CTNNA3: variants seen among roughly 807,000 people sequenced by gnomAD.
The protein encoded by CTNNA3 is catenin alpha 3.
CTNNA3 carries 76 observed loss-of-function variants against 95.7 expected under a neutral mutation model. That is an observed-to-expected ratio of 0.79 (90% confidence interval 0.66 to 0.96). CTNNA3 has a LOEUF of 0.96. Ranked by LOEUF, CTNNA3 falls within the 40% of genes least tolerant of loss-of-function variation. The probability of loss-of-function intolerance (pLI) is 0.00; values close to 1 mark genes in which losing one functional copy is unlikely to be tolerated. For synonymous variants in CTNNA3, 431 were observed against 374.4 expected, an observed-to-expected ratio of 1.15 and a Z score of -1.74; for missense variants, 1,191 against 1,089.8, an observed-to-expected ratio of 1.09 and a Z score of -1.31.
At chr10:67,488,003 ACTGT>A (rs1414360444) in intron 5 of CTNNA3, among the ~76,000 whole-genome samples, 6 of 152,244 alleles carry the variant, frequency 3.9e-5, no homozygotes, top group Non-Finnish European at 7.3e-5. Context: ...TCCCGCTCAC[ACTGT>A]CTAACAATTT....
chr10:67,126,494 C>T (rs902854124), intron 7 of CTNNA3, among the ~76,000 whole-genome samples: 17 of 152,206 alleles, frequency 1.1e-4, no homozygotes, highest in East Asian at 5.8e-4. Context: ...TGGCTTGCAG[C>T]GAGCCAAGAT....
chr10:67,377,133 CA>C (rs1396665169), intron 5 of CTNNA3, among the ~76,000 whole-genome samples: 2 of 152,154 alleles, frequency 1.3e-5, no homozygotes, highest in East Asian at 3.8e-4. Context: ...CTGTTTGGTA[CA>C]GTAACAATGT....
At position 66,676,295 on chromosome 10, in the gene CTNNA3, A is replaced by C. The variant is rs187553508; in HGVS notation, c.1282-54511T>G. On this transcript the variant is annotated intron_variant, in intron 9 of 17. Coordinates refer to ENST00000433211, the MANE Select transcript of CTNNA3 (RefSeq NM_013266.4). ...CTTTATGCAGTGAAGGAAGCTGTAC[A>C]GACTCCTCCTGAGCGTCTGTGAGGT... Among the ~76,000 whole-genome samples the C allele has an allele frequency of 3.3e-5, 5 of 152,234 alleles. No individual in the cohort carries two copies. The East Asian group carries it at 9.7e-4, about 29-fold the overall frequency.
intron 7 of CTNNA3, among the ~76,000 whole-genome samples, chr10:66,791,700 C>A (rs575962699): frequency 2.0e-5 from 3 of 152,198 alleles, no homozygotes; most frequent in Non-Finnish European, 4.4e-5. Flanking sequence ...ATATGCCAGA[C>A]ACTCAGAAGC....
At chr10:66,953,955 G>A (rs1848666797) in intron 7 of CTNNA3, among the ~76,000 whole-genome samples, 1 of 152,066 alleles carries the variant, frequency 6.6e-6, no homozygotes, top group African/African-American at 2.4e-5. Flanking sequence ...TCAAAAGGTT[G>A]TTAAGACTAT....
At chr10:66,125,127 G>A (rs2082761123) in intron 13 of CTNNA3, among the ~76,000 whole-genome samples, 2 of 152,154 alleles carry the variant, frequency 1.3e-5, no homozygotes, top group Admixed American at 1.3e-4. Context: ...GTTCTTCAGT[G>A]AGAAGGGAAA....
intron 7 of CTNNA3, among the ~76,000 whole-genome samples, chr10:66,858,871 C>T (rs766722601): frequency 1.3e-5 from 2 of 151,786 alleles, no homozygotes; most frequent in Admixed American, 6.6e-5. Context: ...GTTTTTCACG[C>T]CTCAATTTCT....
chr10:67,613,828 T>G (rs1398808400), intron 2 of CTNNA3, among the ~76,000 whole-genome samples: 1 of 152,198 alleles, frequency 6.6e-6, no homozygotes, highest in Non-Finnish European at 1.5e-5. Flanking sequence ...ACCCATTTTA[T>G]GGAAGACAAC....
rs137910578 is a variant in CTNNA3 at position 66,280,554 on chromosome 10, C to T, written c.1800G>A (p.Val600=). 48 of 1,609,550 alleles carry T rather than the reference C, an allele frequency of 3.0e-5. 1 individual carries two copies. The Middle Eastern group carries it at 1.0e-3, about 33-fold the overall frequency. The part of the protein sequence containing the change: ...LEALSKSSLN[V]LDDNQFVDIS... The stretch of plus-strand genomic sequence containing the variant: ...TGTCCACAAATTGATTATCATCCAA[C>T]ACATTCAATGAGCTTTTGCTTAAGG... Residue 600 remains valine, a synonymous_variant, in exon 13 of 18, where the codon GTG becomes GTA. Coordinates refer to ENST00000433211, the MANE Select transcript of CTNNA3 (RefSeq NM_013266.4).
At chr10:65,948,294 A>AG (rs1293300402) in intron 17 of CTNNA3, among the ~76,000 whole-genome samples, 1 of 150,152 alleles carries the variant, frequency 6.7e-6, no homozygotes, top group Non-Finnish European at 1.5e-5. Context: ...AAAAAAAAAA[A>AG]AAAAAGAAAG....
intron 7 of CTNNA3, among the ~76,000 whole-genome samples, chr10:66,814,640 C>T (rs1462504431): frequency 6.6e-6 from 1 of 151,896 alleles, no homozygotes; most frequent in Non-Finnish European, 1.5e-5. Flanking sequence ...CACGTGCACC[C>T]GTACTCCCAG....
chr10:67,383,058 A>G (rs1201344295), intron 5 of CTNNA3, among the ~76,000 whole-genome samples: 1 of 152,202 alleles, frequency 6.6e-6, no homozygotes, highest in Non-Finnish European at 1.5e-5. Flanking sequence ...TAAGTTGTTA[A>G]TGCAGTGTTT....
chr10:66,736,250 A>G (rs1277759595), intron 9 of CTNNA3, among the ~76,000 whole-genome samples: 3 of 151,408 alleles, frequency 2.0e-5, no homozygotes, highest in Non-Finnish European at 4.4e-5. Context: ...CAGTGGTGCC[A>G]TCTTGACTCA....
intron 11 of CTNNA3, among the ~76,000 whole-genome samples, chr10:66,452,644 G>A (rs538657164): frequency 6.6e-6 from 1 of 152,218 alleles, no homozygotes; most frequent in East Asian, 1.9e-4. Context: ...CAGAAATCAT[G>A]CAGCCAGAGG....
chr10:67,233,729 T>G (rs1865328540), intron 5 of CTNNA3, among the ~76,000 whole-genome samples: 1 of 150,330 alleles, frequency 6.7e-6, no homozygotes, highest in African/African-American at 2.4e-5. Flanking sequence ...AGGAGCTGGT[T>G]TTTTGAAAGG....
At chr10:67,202,927 C>A (rs1216674764) in intron 6 of CTNNA3, among the ~76,000 whole-genome samples, 2 of 152,092 alleles carry the variant, frequency 1.3e-5, no homozygotes, top group African/African-American at 4.8e-5. Flanking sequence ...AACCAACATT[C>A]TTTAAGGAAT....
At chr10:66,026,066 TAA>T (rs2079327823) in intron 15 of CTNNA3, among the ~76,000 whole-genome samples, 1 of 152,192 alleles carries the variant, frequency 6.6e-6, no homozygotes, top group South Asian at 2.1e-4. Context: ...AGCGTATCAT[TAA>T]AGATCCTAAA....
chr10:66,716,936 C>G (rs1009718063), intron 9 of CTNNA3, among the ~76,000 whole-genome samples: 17 of 151,628 alleles, frequency 1.1e-4, no homozygotes, highest in Non-Finnish European at 1.5e-5. Flanking sequence ...ACGTGGTGAG[C>G]ATTTCTTAAT....
intron 13 of CTNNA3, among the ~76,000 whole-genome samples, chr10:66,279,123 C>T (rs562921818): frequency 1.2e-4 from 19 of 152,142 alleles, no homozygotes; most frequent in African/African-American, 4.3e-4. Context: ...GTCTTGACAC[C>T]TTTAGACTTT....
Sources: gnomAD v4.1 joint callset for allele counts (sites outside exome capture counted in the v4.1 genomes callset) on GRCh38, gnomAD v4.1.1 for gene constraint, MANE v1.5 for transcripts, NCBI Gene and HGNC (gene_info 2026-07-23, HGNC 2026-07-21) for gene names.